Variants in RTCB observed in about 807,000 individuals in gnomAD.
RTCB encodes the protein RNA-splicing ligase RTCB.
A neutral mutation model predicts 58.2 loss-of-function variants in RTCB; 32 were observed. The ratio of observed to expected loss-of-function variants is 0.55; its 90% confidence interval spans 0.41 to 0.74. The LOEUF (loss-of-function observed/expected upper bound fraction) is 0.74. Ranked by LOEUF, RTCB falls within the 30% of genes least tolerant of loss-of-function variation. The probability of loss-of-function intolerance (pLI) is 0.00; values close to 1 mark genes in which losing one functional copy is unlikely to be tolerated. For synonymous variants in RTCB, 247 were observed against 218.6 expected (o/e 1.13, Z -1.15); for missense variants, 523 against 639.0 (o/e 0.82, Z 1.96).
chr22:32,395,143 G>A lies in RTCB; in HGVS notation c.1062C>T (p.Asn354=), dbSNP rs955837513. 8 of 1,614,082 alleles carry A rather than the reference G, an allele frequency of 5.0e-6. No homozygotes were observed. The African/African-American group carries it at 9.3e-5, about 19-fold the overall frequency. Residue 354 remains asparagine (N), a synonymous_variant, in exon 9 of 12, where the codon AAC becomes AAT. Coordinates refer to ENST00000216038, the MANE Select transcript of RTCB (RefSeq NM_014306.5). ...CCACATGCTGCTCCACTTTGGCAATGTTGTGAGAAACATCATAGATCACAT... is the reference window on the plus strand; with the variant it reads ...CCACATGCTGCTCCACTTTGGCAATATTGTGAGAAACATCATAGATCACAT... ...DLHVIYDVSH[N]IAKVEQHVVD...
At chr22:32,402,430 CA>C (rs769303400) in intron 4 of RTCB, among the ~76,000 whole-genome samples, 3 of 152,134 alleles carry the variant, frequency 2.0e-5, no homozygotes, top group Non-Finnish European at 4.4e-5. Flanking sequence ...ACAGTGACCT[CA>C]AAATTTTAGA....
In RTCB at chr22:32,399,767, A is replaced by T. The variant is rs1321858240; in HGVS notation, c.498-8T>A. 3.1e-6 allele frequency: 5 copies of T among 1,612,494 alleles called. No homozygotes were observed. Among genetic ancestry groups the T allele is most frequent in the East Asian group, 2.2e-5 (1 of 44,866 alleles). On this transcript the variant is annotated splice_polypyrimidine_tract_variant and splice_region_variant and intron_variant, in intron 5 of 11. Coordinates refer to ENST00000216038, the MANE Select transcript of RTCB (RefSeq NM_014306.5). ...AAGGCCTCCTCCAAGTCTCTGGATA[A>T]GTATAAAAGGTGCTAGTCATCTCAC...
In RTCB at chr22:32,388,068, AC is replaced by A; in HGVS notation, c.1441del (p.Val481TrpfsTer2). On this transcript the variant is annotated frameshift_variant, in exon 12 of 12. Transcript: ENST00000216038. LOFTEE classifies it high-confidence loss of function. The part of the protein sequence containing the change: ...APESYKNVTD[V>X]VNTCHDAGIS... The stretch of plus-strand genomic sequence containing the variant: ...TCCAGCATCATGGCAGGTATTTACC[AC>A]ATCTGTCACATTCTTATAGGACTCA... The A allele has an allele frequency of 6.2e-7, 1 of 1,613,694 alleles. No homozygotes were observed. The highest frequency in any genetic ancestry group is 8.5e-7 in the Non-Finnish European group (1 of 1,179,580).
chr22:32,398,186 C>T, intron 6 of RTCB, 86 bp from the exon 7 acceptor site: 2 of 1,425,532 alleles, frequency 1.4e-6, no homozygotes, highest in South Asian at 1.3e-5. Context: ...TAAAAACAAA[C>T]TAACAACAAA....
At chr22:32,406,434 T>C (rs1182083876) in intron 4 of RTCB, among the ~76,000 whole-genome samples, 1 of 152,086 alleles carries the variant, frequency 6.6e-6, no homozygotes, top group Non-Finnish European at 1.5e-5. Context: ...GTGATTCTCC[T>C]GCCTCAGCCT....
At chr22:32,401,223 G>A (rs1933330439) in intron 5 of RTCB, among the ~76,000 whole-genome samples, 1 of 151,636 alleles carries the variant, frequency 6.6e-6, no homozygotes, top group South Asian at 2.1e-4. Flanking sequence ...AGCCTCCTGA[G>A]TAGGTGGGAC....
At chr22:32,393,693 C>T (rs1458672207) in intron 10 of RTCB, among the ~76,000 whole-genome samples, 199 bp downstream of exon 10, 2 of 152,206 alleles carry the variant, frequency 1.3e-5, no homozygotes, top group East Asian at 3.9e-4. Flanking sequence ...CCTACCAGAT[C>T]TCACTGAGGC....
chr22:32,401,490 A>G lies in RTCB; in HGVS notation c.497+257T>C, dbSNP rs1933336053. ...TGATATGATGCTCAGCACCTTACAC[A>G]TAGAAAGTGCTCAATAAACGTTGGT... On this transcript the variant is annotated intron_variant, in intron 5 of 11. Transcript: ENST00000216038. 10 of 376,592 alleles carry G rather than the reference A, an allele frequency of 2.7e-5. No individual in the cohort carries two copies. The South Asian group carries it at 3.1e-4, about 12-fold the overall frequency. 23.3% of individuals were successfully genotyped at this position (376,592 alleles called of 1,614,324 possible). A position where few individuals can be genotyped will look rare whatever the true frequency, so the allele number is the denominator to read the frequency against.
Position 32,405,812 on chromosome 22 carries a change from T to G in RTCB, c.340+850A>C, listed in dbSNP as rs1933409047. ...GAACTCTCAAGATGTCATTTAAACT[T>G]CATTTCTAAATTCACACTCTTTAAC... On this transcript the variant is annotated intron_variant, in intron 4 of 11. Coordinates refer to ENST00000216038, the MANE Select transcript of RTCB (RefSeq NM_014306.5). 2.0e-5 allele frequency among the ~76,000 whole-genome samples: 3 copies of G among 152,306 alleles called. 1 individual carries two copies. The highest frequency in any genetic ancestry group is 2.0e-4 in the Admixed American group (3 of 15,300).
intron 8 of RTCB, 26 bp downstream of exon 8, chr22:32,396,048 G>T (rs1188621965): frequency 1.9e-6 from 3 of 1,610,764 alleles, no homozygotes; most frequent in Admixed American, 1.7e-5. Flanking sequence ...GAATGACTCG[G>T]AACAGAAGAG....
At chr22:32,394,032 A>C (rs1332467211) in intron 9 of RTCB, 30 bp from the exon 10 acceptor site, 2 of 1,464,294 alleles carry the variant, frequency 1.4e-6, no homozygotes, top group East Asian at 2.3e-5. Flanking sequence ...AAACATGTTA[A>C]AATTCAGAAA....
At chr22:32,390,216 C>A (rs1359793973) in intron 11 of RTCB, among the ~76,000 whole-genome samples, 1 of 152,188 alleles carries the variant, frequency 6.6e-6, no homozygotes, top group Non-Finnish European at 1.5e-5. Flanking sequence ...GAAAGCTCCA[C>A]AACGAAGGGA....
At chr22:32,402,363 T>G (rs1389395410) in intron 4 of RTCB, among the ~76,000 whole-genome samples, 2 of 152,252 alleles carry the variant, frequency 1.3e-5, no homozygotes, top group Non-Finnish European at 2.9e-5. Flanking sequence ...TTCCAGCCTT[T>G]CTTCTTTCCC....
In RTCB at chr22:32,394,010, T is replaced by G; in HGVS notation, c.1180-8A>C. On this transcript the variant is annotated splice_region_variant and splice_polypyrimidine_tract_variant and intron_variant, in intron 9 of 11. Coordinates refer to ENST00000216038, the MANE Select transcript of RTCB (RefSeq NM_014306.5). ...CACTGGCTGTCCAGTGAGCTGAGGA[T>G]GCACATAAATCAAACATGTTAAAAT... The G allele has an allele frequency of 5.1e-6, 8 of 1,572,822 alleles. No homozygotes were observed. Among genetic ancestry groups the G allele is most frequent in the Non-Finnish European group, 6.1e-6 (7 of 1,142,448 alleles).
At chr22:32,409,820 TTTG>T (rs147325938) in intron 1 of RTCB, among the ~76,000 whole-genome samples, 47,242 of 128,962 alleles carry the variant, frequency 0.37, 7,791 homozygotes, top group Middle Eastern at 0.5. Flanking sequence ...CTTATATACT[TTTG>T]TTTTTTTTTT....
In RTCB at chr22:32,392,343, C is replaced by G; in HGVS notation, c.1307G>C (p.Arg436Pro). The G allele has an allele frequency of 6.2e-7, 1 of 1,613,902 alleles. No homozygotes were observed. The highest frequency in any genetic ancestry group is 8.5e-7 in the Non-Finnish European group (1 of 1,179,922). ...ATCTAAATTACGTCGAGATTTTGCT[C>G]GGGACAATGCACGGCCCTAGAATGG... ...TCHGAGRALS[R>P]AKSRRNLDFQ... The change falls in exon 11 of 12, where the codon CGA (arginine) becomes CCA (proline). Residue 436 changes from arginine (R) to proline (P), a missense_variant. Physicochemically the swap from Arg to Pro is moderately radical, Grantham distance 103. This residue lies in a region of RTCB where 248 missense variants were observed against 292.5 expected (regional missense o/e 0.85). Coordinates refer to ENST00000216038, the MANE Select transcript of RTCB (RefSeq NM_014306.5).
chr22:32,398,121 G>A (rs1225291927), intron 6 of RTCB, 21 bp from the exon 7 acceptor site: 2 of 1,592,200 alleles, frequency 1.3e-6, no homozygotes, highest in African/African-American at 2.7e-5. Context: ...AAAAATGTCT[G>A]GTAAGATAGT....
chr22:32,388,247 GAAGT>G, intron 11 of RTCB, 148 bp from the exon 12 acceptor site: 2 of 566,664 alleles, frequency 3.5e-6, no homozygotes, highest in Non-Finnish European at 3.1e-6. Flanking sequence ...ATTTAAAAAA[GAAGT>G]AAGCCTGATG....
At chr22:32,408,513 T>C (rs1197624755) in intron 2 of RTCB, among the ~76,000 whole-genome samples, 1 of 152,212 alleles carries the variant, frequency 6.6e-6, no homozygotes, top group Non-Finnish European at 1.5e-5. Context: ...CTATTATTGT[T>C]CAAGGTTAGC....
Sources: gnomAD v4.1 joint callset for allele counts (sites outside exome capture counted in the v4.1 genomes callset) on GRCh38, gnomAD v4.1.1 for gene constraint, gnomAD v4.1.1 regional missense constraint, MANE v1.5 for transcripts, NCBI Gene and HGNC (gene_info 2026-07-23, HGNC 2026-07-21) for gene names.